MUTYH: variants seen among roughly 807,000 people sequenced by gnomAD.
MUTYH encodes the protein mutY DNA glycosylase, also known as adenine DNA glycosylase.
In MUTYH, 64 loss-of-function variants were observed where a neutral mutation model predicts 72.9. The observed-to-expected ratio is 0.88, with a 90% CI of 0.72 to 1.08. The LOEUF is 1.08. MUTYH is among the 50% of genes least tolerant of loss of function. MUTYH has a pLI of 0.00. For missense variants in MUTYH, 633 were observed against 671.0 expected, an observed-to-expected ratio of 0.94 and a Z score of 0.63; for synonymous variants, 234 against 263.1, an observed-to-expected ratio of 0.89 and a Z score of 1.07.
intron 15 of MUTYH, 150 bp downstream of exon 15, chr1:45,330,366 C>T (rs1271655141): frequency 8.7e-6 from 8 of 923,012 alleles, no homozygotes; most frequent in Admixed American, 6.4e-5. Context: ...CTGCACCCCA[C>T]AATGGAAGGT....
intron 1 of MUTYH, among the ~76,000 whole-genome samples, chr1:45,337,340 T>TA (rs2149215666): frequency 6.6e-6 from 1 of 152,048 alleles, no homozygotes; most frequent in African/African-American, 2.4e-5. Flanking sequence ...GTATTTTTGT[T>TA]AGAGACAGGG....
At chr1:45,330,333 C>A (rs1448235501) in intron 15 of MUTYH, among the ~76,000 whole-genome samples, 183 bp downstream of exon 15, 1 of 151,248 alleles carries the variant, frequency 6.6e-6, no homozygotes, top group Admixed American at 6.6e-5. Context: ...GAGTCCTCAT[C>A]ATTTTTTTCC....
In MUTYH at chr1:45,329,260, C is replaced by T; in HGVS notation, c.*46G>A. The T allele has an allele frequency of 6.2e-7, 1 of 1,613,248 alleles. No homozygotes were observed. Among genetic ancestry groups the T allele is most frequent in the Non-Finnish European group, 8.5e-7 (1 of 1,179,252 alleles). On this transcript the variant is annotated 3_prime_UTR_variant, in exon 16 of 16. Coordinates refer to ENST00000456914, the MANE Select transcript of MUTYH (RefSeq NM_001048174.2). ...CATAAAATAACTACAAAAATAAGCA[C>T]TTTACTAACAACAGGATTCTCAGGG...
rs760321509 is a variant in MUTYH, at chr1:45,333,569, G to A, written c.116-8C>T. On this transcript the variant is annotated splice_polypyrimidine_tract_variant and splice_region_variant and intron_variant, in intron 2 of 15. Coordinates refer to ENST00000456914, the MANE Select transcript of MUTYH (RefSeq NM_001048174.2). Reference sequence around the variant, plus strand: ...CCGGCTGCCTGGCCAGGCCTGCTGGGGCCCCAGGACACTCAGCAATCATCC... The same window carrying A: ...CCGGCTGCCTGGCCAGGCCTGCTGGAGCCCCAGGACACTCAGCAATCATCC... 1.9e-5 allele frequency: 31 copies of A among 1,613,200 alleles called. No homozygotes were observed. In the East Asian group the frequency reaches 4.9e-4, roughly 26 times the overall value.
chr1:45,338,108 G>T (rs187083314), intron 1 of MUTYH: 3 of 499,384 alleles, frequency 6.0e-6, no homozygotes, highest in Admixed American at 4.6e-5. Flanking sequence ...GGTTAGAATG[G>T]AATGAGATGG....
chr1:45,339,655 T>TC, intron 1 of MUTYH: 1 of 377,450 alleles, frequency 2.6e-6, no homozygotes, highest in Non-Finnish European at 5.2e-6. Flanking sequence ...TACAAAAGCT[T>TC]CCCTACCAAT....
rs774441289 is a variant in MUTYH at position 45,331,708 on chromosome 1, G to C, written c.1055C>G (p.Pro352Arg). 1.2e-6 allele frequency: 2 copies of C among 1,614,158 alleles called. No homozygotes were observed. Among genetic ancestry groups the C allele is most frequent in the East Asian group, 2.2e-5 (1 of 44,882 alleles). The part of the protein sequence containing the change: ...ESSATCVLEQ[P>R]GALGAQILLV... The stretch of plus-strand genomic sequence containing the variant: ...CAGAATTTGGGCCCCAAGGGCCCCA[G>C]GCTGTTCCAGAACACAGGTGGCAGA... The change falls in exon 12 of 16, where the codon CCT becomes CGT. Residue 352 changes from proline (P) to arginine (R), a missense_variant. Transcript: ENST00000456914.
chr1:45,337,311 C>A (rs1326267126), intron 1 of MUTYH, among the ~76,000 whole-genome samples: 1 of 151,644 alleles, frequency 6.6e-6, no homozygotes, highest in Non-Finnish European at 1.5e-5. Flanking sequence ...CACACCACCA[C>A]CACATCCAGC....
intron 1 of MUTYH, among the ~76,000 whole-genome samples, chr1:45,339,188 A>G (rs1570558938): frequency 6.6e-6 from 1 of 150,630 alleles, no homozygotes; most frequent in East Asian, 1.9e-4. Context: ...TTACGGAGGG[A>G]CTAGTCTCCA....
At position 45,331,406 on chromosome 1, in the gene MUTYH, C is replaced by T. The variant is rs1644813477; in HGVS notation, c.1239+14G>A. ...CAAAAGCCAACATCCTTGGCTATTCCGCTGCTCACTTACCTCCCCAAGGTG... is the reference window on the plus strand; with the variant it reads ...CAAAAGCCAACATCCTTGGCTATTCTGCTGCTCACTTACCTCCCCAAGGTG... On this transcript the variant is annotated intron_variant, in intron 13 of 15. Coordinates refer to ENST00000456914, the MANE Select transcript of MUTYH (RefSeq NM_001048174.2). 7 of 1,614,226 alleles carry T rather than the reference C, an allele frequency of 4.3e-6. No homozygotes were observed. The highest frequency in any genetic ancestry group is 3.3e-5 in the South Asian group (3 of 91,078).
intron 1 of MUTYH, chr1:45,338,677 A>G (rs1469548345): frequency 1.7e-5 from 3 of 181,600 alleles, no homozygotes; most frequent in African/African-American, 7.1e-5. Flanking sequence ...AATTAATGGG[A>G]TGGGGGATAG....
At position 45,331,649 on chromosome 1, in the gene MUTYH, G is replaced by C. The variant is rs753493227; in HGVS notation, c.1102+12C>G. 1.2e-6 allele frequency: 2 copies of C among 1,613,654 alleles called. No homozygotes were observed. Among genetic ancestry groups the C allele is most frequent in the Non-Finnish European group, 1.7e-6 (2 of 1,180,036 alleles). ...CTCATGCCACTGCCCTCCACGCCCA[G>C]TATCCAGGTACCTGAGTTGGGCCTC... On this transcript the variant is annotated intron_variant, in intron 12 of 15. Transcript: ENST00000456914.
chr1:45,338,972 G>C (rs571134074), intron 1 of MUTYH, among the ~76,000 whole-genome samples: 2 of 152,066 alleles, frequency 1.3e-5, no homozygotes, highest in Non-Finnish European at 2.9e-5. Context: ...TCACTATGTT[G>C]CCCAGGCTAG....
rs775033999 is a variant in MUTYH, at chr1:45,331,617, CTT to C, written c.1102+42_1102+43del. ...CAGCTGCCGATTCCCTCCATTCTCT[CTT>C]GTTACTCATGCCACTGCCCTCCACG... On this transcript the variant is annotated intron_variant, in intron 12 of 15. Transcript: ENST00000456914. 3.0e-5 allele frequency: 48 copies of C among 1,613,306 alleles called. No individual in the cohort carries two copies. Among genetic ancestry groups the C allele is most frequent in the Admixed American group, 5.0e-5 (3 of 60,014 alleles).
rs575589183 is a variant in MUTYH at position 45,330,923 on chromosome 1, A to G, written c.1392+259T>C. ...AGCATGGTGAAACCTCATCTCTACT[A>G]AAAATACAAAAATTAGCCAGGCATG... On this transcript the variant is annotated intron_variant, in intron 14 of 15. Transcript: ENST00000456914. 8.5e-5 allele frequency among the ~76,000 whole-genome samples: 13 copies of G among 152,196 alleles called. No homozygotes were observed. In the East Asian group the frequency reaches 2.5e-3, roughly 29 times the overall value.
chr1:45,339,944 T>C lies in MUTYH; in HGVS notation c.-52A>G, dbSNP rs1367543722. 3 of 1,480,936 alleles carry C rather than the reference T, an allele frequency of 2.0e-6. No homozygotes were observed. Among genetic ancestry groups the C allele is most frequent in the Middle Eastern group, 1.8e-4 (1 of 5,632 alleles). The allele number at this position is 1,480,936 out of a possible 1,614,324, so 91.7% of individuals were successfully genotyped here. A position where few individuals can be genotyped will look rare whatever the true frequency, so the allele number is the denominator to read the frequency against. On this transcript the variant is annotated 5_prime_UTR_variant, in exon 1 of 16. Transcript: ENST00000456914. ...GACAGCAGAACACGGAGGCCCCGCG[T>C]TCCCGCCGCGAGAGCAGGAGAGAAA...
chr1:45,334,465 T>C lies in MUTYH; in HGVS notation c.41A>G (p.Lys14Arg). Residue 14 changes from lysine to arginine, a missense_variant, in exon 2 of 16, where the codon AAG becomes AGG. Physicochemically the swap from Lys to Arg is conservative, Grantham distance 26. Transcript: ENST00000456914. ...PRAAVGSGHRKQAASQEGRQK... is the reference protein window; with the variant it reads ...PRAAVGSGHRRQAASQEGRQK... ...CCTCCCTTCCTGGCTGGCTGCCTGC[T>C]TCCTGTGACCACTTCCCACGGCTGC... The C allele has an allele frequency of 1.2e-6, 2 of 1,614,164 alleles. No individual in the cohort carries two copies. Among genetic ancestry groups the C allele is most frequent in the South Asian group, 2.2e-5 (2 of 91,084 alleles).
At chr1:45,340,387 C>G, upstream of MUTYH, 1 of 1,549,490 alleles carries the variant, frequency 6.5e-7, no homozygotes. Context: ...TCTAGAGGCT[C>G]CTCAAGCTTC....
At chr1:45,336,767 T>C (rs1014647470) in intron 1 of MUTYH, among the ~76,000 whole-genome samples, 1 of 152,252 alleles carries the variant, frequency 6.6e-6, no homozygotes, top group African/African-American at 2.4e-5. Flanking sequence ...TTTGGTGGTC[T>C]CTTCACATGG....
Sources: allele counts gnomAD v4.1 joint callset (sites outside exome capture counted in the v4.1 genomes callset), GRCh38; gene constraint gnomAD v4.1.1; transcripts MANE v1.5; gene names NCBI Gene and HGNC (gene_info 2026-07-23, HGNC 2026-07-21).